The following PPP2R5E variants were observed in gnomAD, a reference collection of about 807,000 sequenced individuals.
The protein encoded by PPP2R5E is serine/threonine-protein phosphatase 2A 56 kDa regulatory subunit epsilon isoform.
In PPP2R5E, 4 loss-of-function variants were observed where a neutral mutation model predicts 65.3. The observed-to-expected ratio is 0.06, with a 90% CI of 0.03 to 0.14. The LOEUF (loss-of-function observed/expected upper bound fraction) is 0.14. Ranked by LOEUF, PPP2R5E falls within the 10% of genes least tolerant of loss-of-function variation. The probability of loss-of-function intolerance (pLI) is 1.00; values close to 1 mark genes in which losing one functional copy is unlikely to be tolerated. For synonymous variants in PPP2R5E, 183 were observed against 187.4 expected (o/e 0.98, Z 0.19); for missense variants, 274 against 556.1 (o/e 0.49, Z 5.10).
chr14:63,385,844 T>A (rs1014742735), intron 11 of PPP2R5E, among the ~76,000 whole-genome samples: 2 of 152,198 alleles, frequency 1.3e-5, no homozygotes, highest in African/African-American at 4.8e-5. Context: ...AGCCAGGAGA[T>A]GTCTGCTCAG....
At chr14:63,427,697 A>C (rs1887417748) in intron 3 of PPP2R5E, among the ~76,000 whole-genome samples, 1 of 152,182 alleles carries the variant, frequency 6.6e-6, no homozygotes, top group Non-Finnish European at 1.5e-5. Context: ...AGGACAAAGC[A>C]AGGCTGAAGG....
Position 63,463,102 on chromosome 14 carries a change from C to CAA in PPP2R5E, c.158-9219_158-9218dup, listed in dbSNP as rs35267340. On this transcript the variant is annotated intron_variant, in intron 2 of 13. Transcript: ENST00000337537. ...GGGCAACAAGAGCAAAACTCCATCT[C>CAA]AAAAAAAAAAAAAAAAACTAAGATG... Among the ~76,000 whole-genome samples the CAA allele has an allele frequency of 4.3e-3, 385 of 88,610 alleles. 1 individual carries two copies. Among genetic ancestry groups the CAA allele is most frequent in the African/African-American group, 0.013 (362 of 28,248 alleles). 58.1% of individuals were successfully genotyped at this position (88,610 alleles called of 152,430 possible).
chr14:63,395,392 AGG>A (rs1594823892), intron 6 of PPP2R5E, 107 bp from the exon 7 acceptor site: 1 of 393,580 alleles, frequency 2.5e-6, no homozygotes. Flanking sequence ...GGAGAAGAGG[AGG>A]AGGAGGAGGA....
intron 11 of PPP2R5E, 93 bp from the exon 12 acceptor site, chr14:63,384,664 G>A (rs1884554423): frequency 1.8e-6 from 2 of 1,083,012 alleles, no homozygotes; most frequent in East Asian, 2.6e-5. Flanking sequence ...ATTTCAAAAG[G>A]CTATTTGTAA....
At position 63,371,809 on chromosome 14, in the gene PPP2R5E, T is replaced by C. The variant is rs1351493831; in HGVS notation, c.*4200A>G. 1 of 152,168 alleles carries C rather than the reference T, an allele frequency of 6.6e-6. No homozygotes were observed. Among genetic ancestry groups the C allele is most frequent in the African/African-American group, 2.4e-5 (1 of 41,452 alleles). 9.4% of individuals were successfully genotyped at this position (152,168 alleles called of 1,614,324 possible). ...CATTACTAACAGGGAAAATGAACTTTTGCTGCCCTCTCCTGCTAAAACAAT... is the reference window on the plus strand; with the variant it reads ...CATTACTAACAGGGAAAATGAACTTCTGCTGCCCTCTCCTGCTAAAACAAT... On this transcript the variant is annotated 3_prime_UTR_variant, in exon 14 of 14. Coordinates refer to ENST00000337537, the MANE Select transcript of PPP2R5E (RefSeq NM_006246.5).
chr14:63,480,087 C>CT (rs1250590621), intron 2 of PPP2R5E, among the ~76,000 whole-genome samples: 1 of 152,112 alleles, frequency 6.6e-6, no homozygotes, highest in South Asian at 2.1e-4. Flanking sequence ...CAAAAATTAC[C>CT]AACCTTTTAC....
At chr14:63,525,273 T>C (rs1893142082) in intron 2 of PPP2R5E, among the ~76,000 whole-genome samples, 1 of 152,224 alleles carries the variant, frequency 6.6e-6, no homozygotes, top group African/African-American at 2.4e-5. Flanking sequence ...CAGAAAAATG[T>C]TTCTTTACAG....
At chr14:63,378,262 A>T (rs1884103340) in intron 13 of PPP2R5E, among the ~76,000 whole-genome samples, 1 of 152,178 alleles carries the variant, frequency 6.6e-6, no homozygotes, top group Admixed American at 6.5e-5. Context: ...ACTAAAAAAC[A>T]TTTCAATGTA....
intron 2 of PPP2R5E, among the ~76,000 whole-genome samples, chr14:63,507,867 C>T (rs1892282723): frequency 1.3e-5 from 2 of 151,966 alleles, no homozygotes; most frequent in Admixed American, 1.3e-4. Context: ...CGTGAGCCAC[C>T]GCAACCGGCC....
At chr14:63,447,610 T>C (rs576877639) in intron 3 of PPP2R5E, among the ~76,000 whole-genome samples, 2 of 152,378 alleles carry the variant, frequency 1.3e-5, no homozygotes, top group African/African-American at 4.8e-5. Context: ...TTTTACTTTC[T>C]TATCATTCAC....
At chr14:63,476,756 A>G (rs1890431376) in intron 2 of PPP2R5E, among the ~76,000 whole-genome samples, 1 of 152,162 alleles carries the variant, frequency 6.6e-6, no homozygotes, top group African/African-American at 2.4e-5. Context: ...CTTTAGATCC[A>G]TTAACAATTA....
At chr14:63,385,503 C>T (rs1040231533) in intron 11 of PPP2R5E, among the ~76,000 whole-genome samples, 4 of 152,140 alleles carry the variant, frequency 2.6e-5, no homozygotes, top group Non-Finnish European at 4.4e-5. Flanking sequence ...TGTTTTTCAT[C>T]ACACACACTT....
chr14:63,418,841 C>CTTTTT lies in PPP2R5E; in HGVS notation c.456+3147_456+3151dup, dbSNP rs772740856. Among the ~76,000 whole-genome samples, 48 of 105,070 alleles carry CTTTTT rather than the reference C, an allele frequency of 4.6e-4. 1 individual carries two copies. The highest frequency in any genetic ancestry group is 5.6e-3 in the Middle Eastern group (1 of 180). The allele number at this position is 105,070 out of a possible 152,430, so 68.9% of individuals were successfully genotyped here. On this transcript the variant is annotated intron_variant, in intron 4 of 13. Coordinates refer to ENST00000337537, the MANE Select transcript of PPP2R5E (RefSeq NM_006246.5). ...TTTGTTATAATCAGTAATTTTTTTA[C>CTTTTT]TTTTTTTTTTTTTTTTTTTTTTGGT...
At chr14:63,501,927 T>C (rs1891911199) in intron 2 of PPP2R5E, among the ~76,000 whole-genome samples, 1 of 152,172 alleles carries the variant, frequency 6.6e-6, no homozygotes, top group Non-Finnish European at 1.5e-5. Flanking sequence ...CACGGTTTTA[T>C]TCTGTCAGCC....
At chr14:63,395,308 A>T in intron 6 of PPP2R5E, 23 bp from the exon 7 acceptor site, 1 of 1,493,742 alleles carries the variant, frequency 6.7e-7, no homozygotes. Context: ...GAGAAAAGGG[A>T]GGAGAAAGGA....
intron 2 of PPP2R5E, among the ~76,000 whole-genome samples, chr14:63,517,446 G>A (rs1261993730): frequency 8.0e-6 from 1 of 124,254 alleles, no homozygotes; most frequent in African/African-American, 4.7e-5. Context: ...AGGTACAAGA[G>A]TGGTCATTTA....
In PPP2R5E at chr14:63,481,921, T is replaced by C. The variant is rs144851914; in HGVS notation, c.158-28036A>G. Among the ~76,000 whole-genome samples the C allele has an allele frequency of 3.2e-4, 49 of 152,350 alleles. 1 individual carries two copies. Among genetic ancestry groups the C allele is most frequent in the African/African-American group, 1.2e-3 (49 of 41,580 alleles). The stretch of plus-strand genomic sequence containing the variant: ...TGGAAATACAACTTCAACAAACAGT[T>C]AAAGAATTCATTCAATTTTTTAGAA... On this transcript the variant is annotated intron_variant, in intron 2 of 13. Transcript: ENST00000337537.
chr14:63,409,548 G>A (rs1886281283), intron 5 of PPP2R5E, among the ~76,000 whole-genome samples: 2 of 152,162 alleles, frequency 1.3e-5, no homozygotes, highest in African/African-American at 2.4e-5. Flanking sequence ...GGTGATACCA[G>A]TAGACATTTT....
intron 2 of PPP2R5E, among the ~76,000 whole-genome samples, chr14:63,464,830 C>T (rs941406611): frequency 2.0e-5 from 3 of 152,080 alleles, no homozygotes; most frequent in Admixed American, 1.3e-4. Flanking sequence ...CAAAACCAGC[C>T]TGGCCAACAT....
Sources: allele counts gnomAD v4.1 joint callset (sites outside exome capture counted in the v4.1 genomes callset), GRCh38; gene constraint gnomAD v4.1.1; transcripts MANE v1.5; gene names NCBI Gene and HGNC (gene_info 2026-07-23, HGNC 2026-07-21).